DNAH17: variants seen among roughly 807,000 people sequenced by gnomAD.
The protein encoded by DNAH17 is dynein axonemal heavy chain 17, also known as axonemal beta dynein heavy chain 17.
A neutral mutation model predicts 485.6 loss-of-function variants in DNAH17; 376 were observed. The observed-to-expected ratio is 0.77, with a 90% confidence interval of 0.71 to 0.84. DNAH17 has a LOEUF of 0.84. DNAH17 is among the 40% of genes least tolerant of loss of function. The pLI, the probability that DNAH17 is intolerant of heterozygous loss-of-function variation, is 0.00. For synonymous variants in DNAH17, 3,031 were observed against 2,405.9 expected (o/e 1.26, Z -7.60); for missense variants, 6,370 against 5,839.3 (o/e 1.09, Z -2.96).
At chr17:78,571,444 C>A (rs776508416) in intron 4 of DNAH17, 66 bp from the exon 5 acceptor site, 9 of 1,489,678 alleles carry the variant, frequency 6.0e-6, no homozygotes, top group Non-Finnish European at 8.4e-6. Flanking sequence ...GCCAACCTGA[C>A]CTTGTGGCTG....
At chr17:78,510,265 G>A (rs577414372) in intron 27 of DNAH17, 119 bp downstream of exon 27, 7 of 1,459,090 alleles carry the variant, frequency 4.8e-6, no homozygotes, top group Admixed American at 2.1e-5. Context: ...AGAAAGGCCC[G>A]CCAGACTTCC....
intron 6 of DNAH17, 66 bp from the exon 7 acceptor site, chr17:78,570,438 G>A: frequency 6.5e-7 from 1 of 1,543,724 alleles, no homozygotes; most frequent in Non-Finnish European, 8.7e-7. Context: ...CGGTGTCCCA[G>A]CCCTTCCCTT....
Position 78,459,846 on chromosome 17 carries a change from G to C in DNAH17, c.9591C>G (p.Phe3197Leu), listed in dbSNP as rs1476004446. Residue 3197 changes from phenylalanine (F) to leucine (L), a missense_variant, in exon 60 of 81, where the codon TTC (phenylalanine) becomes TTG (leucine). Phe to Leu is a conservative substitution (Grantham distance 22). Transcript: ENST00000389840. Reference protein sequence around the residue: ...AKIMMGKVDTFLDSLKKFDKE... With the variant: ...AKIMMGKVDTLLDSLKKFDKE... ...TGTCGAACTTCTTCAGGGAGTCTAG[G>C]AAGGTGTCCACCTTGCCCATCATGA... The C allele has an allele frequency of 1.2e-6, 2 of 1,613,934 alleles. No individual in the cohort carries two copies. The highest frequency in any genetic ancestry group is 1.7e-6 in the Non-Finnish European group (2 of 1,179,908).
intron 62 of DNAH17, among the ~76,000 whole-genome samples, chr17:78,457,657 CTTTTTT>C (rs71160297): frequency 7.5e-5 from 5 of 66,786 alleles, no homozygotes; most frequent in Admixed American, 1.9e-4. Context: ...CCGTGCCTGG[CTTTTTT>C]TTTTTTTTTT....
Position 78,551,647 on chromosome 17 carries a change from G to C in DNAH17, c.2288-9C>G. The C allele has an allele frequency of 6.2e-7, 1 of 1,613,136 alleles. No homozygotes were observed. The highest frequency in any genetic ancestry group is 8.5e-7 in the Non-Finnish European group (1 of 1,179,148). On this transcript the variant is annotated splice_polypyrimidine_tract_variant and intron_variant, in intron 15 of 80. Coordinates refer to ENST00000389840, the MANE Select transcript of DNAH17 (RefSeq NM_173628.4). ...AATGTACTGAAACACACCTAAAATGGAAATGTAGAGGAATCTTACAAAATG... is the reference window on the plus strand; with the variant it reads ...AATGTACTGAAACACACCTAAAATGCAAATGTAGAGGAATCTTACAAAATG...
At position 78,451,461 on chromosome 17, in the gene DNAH17, G is replaced by A. The variant is rs1351227082; in HGVS notation, c.10734+8C>T. On this transcript the variant is annotated splice_region_variant and intron_variant, in intron 66 of 80. Transcript: ENST00000389840. ...CTCCTCCCGTGTGACCAAACTTCAG[G>A]CCATTACCTTCAGCTGTTCCAGATC... 1 of 1,603,636 alleles carries A rather than the reference G, an allele frequency of 6.2e-7. No individual in the cohort carries two copies. The highest frequency in any genetic ancestry group is 8.5e-7 in the Non-Finnish European group (1 of 1,175,166).
intron 73 of DNAH17, among the ~76,000 whole-genome samples, chr17:78,438,540 C>G (rs1192664533): frequency 1.4e-5 from 2 of 142,812 alleles, no homozygotes; most frequent in African/African-American, 5.3e-5. Context: ...CTCTGTCGCC[C>G]GGGCTGGAGT....
chr17:78,434,446 T>C (rs1245483994), intron 74 of DNAH17, among the ~76,000 whole-genome samples: 1 of 152,246 alleles, frequency 6.6e-6, no homozygotes, highest in Non-Finnish European at 1.5e-5. Flanking sequence ...AATGCAATTT[T>C]ATCCCTTTTA....
At chr17:78,502,057 G>A in intron 33 of DNAH17, 184 bp from the exon 34 acceptor site, 1 of 746,940 alleles carries the variant, frequency 1.3e-6, no homozygotes, top group South Asian at 1.9e-5. Context: ...GGCCCTGATG[G>A]GACACCTGGC....
At position 78,568,056 on chromosome 17, in the gene DNAH17, G is replaced by A. The variant is rs539085808; in HGVS notation, c.1285-890C>T. On this transcript the variant is annotated intron_variant, in intron 9 of 80. Coordinates refer to ENST00000389840, the MANE Select transcript of DNAH17 (RefSeq NM_173628.4). ...CCACCCCGAGGAGACAGGCACCGAG[G>A]ACCAGGAGCTCTTGGCTCTTCCACC... 6.0e-4 allele frequency among the ~76,000 whole-genome samples: 91 copies of A among 152,246 alleles called. 1 individual carries two copies. In the South Asian group the frequency reaches 0.016, roughly 28 times the overall value.
intron 11 of DNAH17, among the ~76,000 whole-genome samples, chr17:78,563,774 A>G (rs572324447): frequency 1.4e-5 from 1 of 69,282 alleles, no homozygotes; most frequent in East Asian, 2.1e-4. Flanking sequence ...GGAAGGGACA[A>G]CAAGGGAGAG....
intron 2 of DNAH17, among the ~76,000 whole-genome samples, chr17:78,573,949 A>C (rs1254098379): frequency 3.9e-5 from 6 of 152,156 alleles, no homozygotes; most frequent in Non-Finnish European, 5.9e-5. Flanking sequence ...CCACCTACAC[A>C]GCACCTGCCA....
intron 16 of DNAH17, among the ~76,000 whole-genome samples, chr17:78,545,354 A>G: frequency 6.6e-6 from 1 of 152,188 alleles, no homozygotes; most frequent in East Asian, 1.9e-4. Flanking sequence ...ACTATAAGCA[A>G]AATACCATAT....
chr17:78,478,336 CCATCACATCACCCACATCACCAT>C (rs2089184099), intron 51 of DNAH17, among the ~76,000 whole-genome samples: 1 of 143,026 alleles, frequency 7.0e-6, no homozygotes, highest in African/African-American at 2.7e-5. Context: ...ACCATTATCA[CCATCACATCACCCACATCACCAT>C]CACCACCACC....
At chr17:78,571,996 G>T (rs1181219715) in intron 3 of DNAH17, among the ~76,000 whole-genome samples, 1 of 152,178 alleles carries the variant, frequency 6.6e-6, no homozygotes, top group East Asian at 1.9e-4. Context: ...AATGGGCGTG[G>T]TCAGAGATAC....
intron 54 of DNAH17, among the ~76,000 whole-genome samples, chr17:78,472,012 G>C (rs548209334): frequency 2.0e-5 from 3 of 152,286 alleles, no homozygotes; most frequent in Admixed American, 2.0e-4. Flanking sequence ...TACTGAAGCT[G>C]GATCTGCCTG....
In DNAH17 at chr17:78,437,844, G is replaced by C; in HGVS notation, c.11830C>G (p.Leu3944Val). ...TCCAGCTTCTTGTCCAGTGTTCCCAGCCACCGGGCCACCAGGTGGATATTC... is the reference window on the plus strand; with the variant it reads ...TCCAGCTTCTTGTCCAGTGTTCCCACCCACCGGGCCACCAGGTGGATATTC... ...LQNIHLVARW[L>V]GTLDKKLEHY... The change falls in exon 74 of 81, where the codon CTG becomes GTG. Residue 3944 changes from leucine to valine, a missense_variant. Leu to Val is a conservative substitution (Grantham distance 32, BLOSUM62 1). Transcript: ENST00000389840. 6.2e-7 allele frequency: 1 copy of C among 1,610,570 alleles called. No individual in the cohort carries two copies. Among genetic ancestry groups the C allele is most frequent in the Non-Finnish European group, 8.5e-7 (1 of 1,178,628 alleles).
chr17:78,445,412 C>A, intron 70 of DNAH17, 146 bp downstream of exon 70: 1 of 1,164,764 alleles, frequency 8.6e-7, no homozygotes, highest in Admixed American at 2.8e-5. Flanking sequence ...TCTTGGTCTC[C>A]ATCCCTATGT....
At position 78,575,732 on chromosome 17, in the gene DNAH17, G is replaced by C. The variant is rs188955147; in HGVS notation, c.-25-650C>G. ...CGGGGGTAGGGTTAACTAGAGAATT[G>C]GGGGGAAGGGATCCCCTTAAAGAAC... is the stretch of plus-strand genomic sequence containing the variant. On this transcript the variant is annotated intron_variant, in intron 1 of 80. Transcript: ENST00000389840. Among the ~76,000 whole-genome samples, 872 of 149,206 alleles carry C rather than the reference G, an allele frequency of 5.8e-3. 10 individuals are homozygous for C. Among genetic ancestry groups the C allele is most frequent in the Middle Eastern group, 0.014 (4 of 292 alleles).
Sources: allele counts gnomAD v4.1 joint callset (sites outside exome capture counted in the v4.1 genomes callset), GRCh38; gene constraint gnomAD v4.1.1; transcripts MANE v1.5; gene names NCBI Gene and HGNC (gene_info 2026-07-23, HGNC 2026-07-21).